The following BTBD9 variants were observed in gnomAD, a reference collection of about 807,000 sequenced individuals.
BTBD9 encodes the protein BTB domain containing 9.
BTBD9 carries 49 observed loss-of-function variants against 64.3 expected under a neutral mutation model. The observed-to-expected ratio is 0.76, with a 90% CI of 0.61 to 0.97. The LOEUF (loss-of-function observed/expected upper bound fraction) is 0.97. Ranked by LOEUF, BTBD9 falls within the 50% of genes least tolerant of loss-of-function variation. BTBD9 has a pLI of 0.00. For synonymous variants in BTBD9, 260 were observed against 274.7 expected (o/e 0.95, Z 0.53); for missense variants, 598 against 762.1 (o/e 0.78, Z 2.53).
chr6:38,307,375 T>C (rs1762664642), intron 7 of BTBD9, among the ~76,000 whole-genome samples: 1 of 152,234 alleles, frequency 6.6e-6, no homozygotes, highest in African/African-American at 2.4e-5. Flanking sequence ...GTTAAGAAAA[T>C]CACTTTTCAA....
intron 9 of BTBD9, among the ~76,000 whole-genome samples, chr6:38,232,619 T>C (rs1255994772): frequency 6.6e-6 from 1 of 152,040 alleles, no homozygotes; most frequent in Non-Finnish European, 1.5e-5. Context: ...AGTTCACTTT[T>C]ATTTATTTTA....
intron 8 of BTBD9, among the ~76,000 whole-genome samples, chr6:38,265,885 A>G (rs528445900): frequency 1.3e-5 from 2 of 152,200 alleles, no homozygotes; most frequent in African/African-American, 4.8e-5. Flanking sequence ...TTAAGTTTTT[A>G]ACTTCAAGTT....
intron 4 of BTBD9, among the ~76,000 whole-genome samples, chr6:38,592,039 C>T (rs1238129121): frequency 3.3e-5 from 5 of 151,894 alleles, no homozygotes; most frequent in African/African-American, 9.7e-5. Context: ...AAAAATTAGC[C>T]GAGTGTGGTG....
intron 7 of BTBD9, among the ~76,000 whole-genome samples, chr6:38,307,825 C>A (rs571533142): frequency 6.6e-6 from 1 of 152,324 alleles, no homozygotes; most frequent in African/African-American, 2.4e-5. Flanking sequence ...TTCCCCTCCA[C>A]CTTTTGCCCC....
chr6:38,238,760 A>AC (rs915133834), intron 9 of BTBD9, among the ~76,000 whole-genome samples: 1 of 152,100 alleles, frequency 6.6e-6, no homozygotes, highest in Non-Finnish European at 1.5e-5. Flanking sequence ...GGCGTGAGCC[A>AC]CCGCGCCTGG....
At chr6:38,317,314 T>C (rs1230628509) in intron 7 of BTBD9, among the ~76,000 whole-genome samples, 1 of 152,188 alleles carries the variant, frequency 6.6e-6, no homozygotes, top group African/African-American at 2.4e-5. Flanking sequence ...AGTTTAAACA[T>C]GTCATGCCAC....
intron 6 of BTBD9, among the ~76,000 whole-genome samples, chr6:38,383,386 C>T (rs1349441071): frequency 2.0e-5 from 3 of 152,066 alleles, no homozygotes; most frequent in East Asian, 3.8e-4. Context: ...AGGCATCTAT[C>T]AGAATCCTAT....
intron 6 of BTBD9, among the ~76,000 whole-genome samples, chr6:38,460,435 C>T (rs1358823176): frequency 6.6e-6 from 1 of 152,134 alleles, no homozygotes; most frequent in South Asian, 2.1e-4. Context: ...ACCGCAGTTG[C>T]GTATTTATTT....
chr6:38,561,215 T>G (rs1229918801), intron 6 of BTBD9, among the ~76,000 whole-genome samples: 1 of 152,188 alleles, frequency 6.6e-6, no homozygotes, highest in African/African-American at 2.4e-5. Flanking sequence ...GTATAAGTGT[T>G]CCCTTTTCTC....
At chr6:38,276,763 C>CG (rs2127547920) in intron 8 of BTBD9, among the ~76,000 whole-genome samples, 1 of 152,140 alleles carries the variant, frequency 6.6e-6, no homozygotes, top group East Asian at 1.9e-4. Context: ...AGTAAGAGGT[C>CG]TTTTTTTAAA....
At chr6:38,483,540 T>C (rs913558003) in intron 6 of BTBD9, among the ~76,000 whole-genome samples, 3 of 152,092 alleles carry the variant, frequency 2.0e-5, no homozygotes, top group Non-Finnish European at 2.9e-5. Context: ...AACCCTTCTA[T>C]GGTTTCCCAT....
intron 6 of BTBD9, among the ~76,000 whole-genome samples, chr6:38,528,964 A>T (rs1297404490): frequency 2.6e-5 from 4 of 152,192 alleles, no homozygotes; most frequent in Non-Finnish European, 5.9e-5. Flanking sequence ...ACAGTGGGAT[A>T]GAGCACCAAG....
At chr6:38,618,941 A>C (rs1251241870) in intron 1 of BTBD9, among the ~76,000 whole-genome samples, 2 of 152,180 alleles carry the variant, frequency 1.3e-5, no homozygotes, top group East Asian at 3.9e-4. Context: ...CCCAGTATGG[A>C]TCCCCACTGG....
intron 9 of BTBD9, among the ~76,000 whole-genome samples, chr6:38,210,529 CGTGTGTTTGTGTGTGT>C (rs1561877021): frequency 1.1e-4 from 11 of 103,862 alleles, no homozygotes. Context: ...TGGGAGAGTG[CGTGTGTTTGTGTGTGT>C]GTGTGTGTGT....
chr6:38,622,166 G>A (rs1045842276), intron 1 of BTBD9, among the ~76,000 whole-genome samples: 1 of 152,222 alleles, frequency 6.6e-6, no homozygotes, highest in Non-Finnish European at 1.5e-5. Context: ...AAGCCTGTGA[G>A]GTGTGCCAAA....
At chr6:38,289,368 C>T (rs1179585154) in intron 7 of BTBD9, among the ~76,000 whole-genome samples, 1 of 151,948 alleles carries the variant, frequency 6.6e-6, no homozygotes, top group Non-Finnish European at 1.5e-5. Context: ...GGTGAGACTC[C>T]CTCTCAAAAA....
intron 6 of BTBD9, among the ~76,000 whole-genome samples, chr6:38,514,239 T>G (rs767396119): frequency 1.3e-5 from 2 of 152,232 alleles, no homozygotes; most frequent in Non-Finnish European, 2.9e-5. Context: ...ACTCAGATGT[T>G]ATGTGTAAAA....
chr6:38,263,131 G>C lies in BTBD9; in HGVS notation c.1455-6615C>G, dbSNP rs866486093. Among the ~76,000 whole-genome samples the C allele has an allele frequency of 7.2e-5, 11 of 152,334 alleles. No homozygotes were observed. The South Asian group carries it at 1.7e-3, about 23-fold the overall frequency. The stretch of plus-strand genomic sequence containing the variant: ...TCCTAATCTTTCAGTTAAAGTGAAA[G>C]ATACTCCTGATCTCAAAAATGTATA... On this transcript the variant is annotated intron_variant, in intron 8 of 10. Coordinates refer to ENST00000481247, the MANE Select transcript of BTBD9 (RefSeq NM_001099272.2).
At chr6:38,415,192 G>T (rs906299461) in intron 6 of BTBD9, among the ~76,000 whole-genome samples, 15 of 152,202 alleles carry the variant, frequency 9.9e-5, no homozygotes, top group African/African-American at 3.4e-4. Flanking sequence ...AAATCTGTGA[G>T]TATATTAGAC....
Sources: allele counts gnomAD v4.1 joint callset (sites outside exome capture counted in the v4.1 genomes callset), GRCh38; gene constraint gnomAD v4.1.1; transcripts MANE v1.5; gene names NCBI Gene and HGNC (gene_info 2026-07-23, HGNC 2026-07-21).